The following HERC1 variants were observed in gnomAD, a reference collection of about 807,000 sequenced individuals.
HERC1 encodes HECT and RLD domain containing E3 ubiquitin protein ligase family member 1.
Under a neutral mutation model 554.3 loss-of-function variants are expected in HERC1, and 160 were observed. The observed-to-expected ratio is 0.29, with a 90% CI of 0.25 to 0.33. HERC1 has a LOEUF of 0.33. Among genes scored for constraint, HERC1 ranks in the 10% least tolerant of loss-of-function variants. The pLI, the probability that HERC1 is intolerant of heterozygous loss-of-function variation, is 1.00. For synonymous variants in HERC1, 2,175 were observed against 2,131.7 expected (o/e 1.02, Z -0.56); for missense variants, 4,919 against 5,918.5 (o/e 0.83, Z 5.54).
chr15:63,733,817 A>T (rs1298476354), intron 13 of HERC1, among the ~76,000 whole-genome samples: 1 of 152,056 alleles, frequency 6.6e-6, no homozygotes, highest in Non-Finnish European at 1.5e-5. Flanking sequence ...GTGCCACTGC[A>T]CTCCAGCCTG....
intron 12 of HERC1, among the ~76,000 whole-genome samples, chr15:63,739,195 C>A (rs544334138): frequency 9.8e-6 from 1 of 102,276 alleles, no homozygotes; most frequent in African/African-American, 3.6e-5. Flanking sequence ...CACTAATATA[C>A]TTTTTTTTTT....
chr15:63,656,874 TAGCATTG>T (rs1328731758), intron 48 of HERC1, among the ~76,000 whole-genome samples: 1 of 152,246 alleles, frequency 6.6e-6, no homozygotes, highest in Admixed American at 6.5e-5. Flanking sequence ...CCAAATCTTG[TAGCATTG>T]AGCAGTTCGT....
At chr15:63,806,817 T>G (rs1036299841) in intron 1 of HERC1, among the ~76,000 whole-genome samples, 6 of 152,238 alleles carry the variant, frequency 3.9e-5, no homozygotes, top group African/African-American at 1.4e-4. Flanking sequence ...TCATCCAGGC[T>G]GGAGTGCAGT....
At chr15:63,742,289 C>T (rs185810578) in intron 12 of HERC1, among the ~76,000 whole-genome samples, 8 of 152,154 alleles carry the variant, frequency 5.3e-5, no homozygotes, top group Non-Finnish European at 1.0e-4. Context: ...TTTGATTGTA[C>T]ATTGTTGGTG....
chr15:63,649,833 G>A lies in HERC1; in HGVS notation c.10639C>T (p.Pro3547Ser). 6.2e-7 allele frequency: 1 copy of A among 1,613,432 alleles called. No individual in the cohort carries two copies. The highest frequency in any genetic ancestry group is 8.5e-7 in the Non-Finnish European group (1 of 1,179,702). ...ATCCGTCCCACCAACAACAATTCTG[G>A]AGACTCTCCTGACCAGGCTGTAGCC... ...GPATAWSGES[P>S]ELLLVGRMDG... is the part of the protein sequence containing the mutation. The change falls in exon 54 of 78, where the codon CCA becomes TCA. Residue 3547 changes from proline to serine, a missense_variant. Coordinates refer to ENST00000443617, the MANE Select transcript of HERC1 (RefSeq NM_003922.4).
At chr15:63,745,072 A>C (rs2141580698) in intron 12 of HERC1, among the ~76,000 whole-genome samples, 1 of 152,226 alleles carries the variant, frequency 6.6e-6, no homozygotes, top group South Asian at 2.1e-4. Flanking sequence ...TGGAACAGGG[A>C]GACTTGCGAC....
intron 51 of HERC1, among the ~76,000 whole-genome samples, chr15:63,652,851 T>C (rs2069773688): frequency 1.3e-5 from 2 of 152,140 alleles, no homozygotes; most frequent in African/African-American, 2.4e-5. Flanking sequence ...GGTTTCGCCA[T>C]GATGGCCAGG....
intron 74 of HERC1, among the ~76,000 whole-genome samples, chr15:63,617,284 G>C (rs1239695406): frequency 6.6e-6 from 1 of 152,154 alleles, no homozygotes; most frequent in Non-Finnish European, 1.5e-5. Flanking sequence ...CCTTGCAATA[G>C]TTTGCTGAGA....
intron 1 of HERC1, among the ~76,000 whole-genome samples, chr15:63,781,864 C>T (rs1460333392): frequency 6.6e-6 from 1 of 152,178 alleles, no homozygotes; most frequent in African/African-American, 2.4e-5. Flanking sequence ...AGTGAAATCG[C>T]CTTTTTCCTG....
In HERC1 at chr15:63,680,885, T is replaced by C; in HGVS notation, c.6226-109A>G. 1 of 674,466 alleles carries C rather than the reference T, an allele frequency of 1.5e-6. No individual in the cohort carries two copies. Among genetic ancestry groups the C allele is most frequent in the Non-Finnish European group, 2.5e-6 (1 of 400,044 alleles). 41.8% of individuals were successfully genotyped at this position (674,466 alleles called of 1,614,324 possible). A position where few individuals can be genotyped will look rare whatever the true frequency, so the allele number is the denominator to read the frequency against. On this transcript the variant is annotated intron_variant, in intron 34 of 77. Transcript: ENST00000443617. The surrounding 1 kb of genome is among the most constrained non-coding windows in gnomAD (Gnocchi z 5.8). Reference sequence around the variant, plus strand: ...TTTATAAATAATACTAATGCATTTATGGAAACATGTTATTTTCAGCATAAA... The same window carrying C: ...TTTATAAATAATACTAATGCATTTACGGAAACATGTTATTTTCAGCATAAA...
At chr15:63,700,317 C>A (rs1369980224) in intron 25 of HERC1, among the ~76,000 whole-genome samples, 1 of 151,698 alleles carries the variant, frequency 6.6e-6, no homozygotes, top group Non-Finnish European at 1.5e-5. Context: ...TACTACATTT[C>A]TCAATTAGGG....
Position 63,727,207 on chromosome 15 carries a change from C to T in HERC1, c.3346+440G>A, listed in dbSNP as rs1464041986. Among the ~76,000 whole-genome samples the T allele has an allele frequency of 4.6e-5, 7 of 152,090 alleles. No homozygotes were observed. Among genetic ancestry groups the T allele is most frequent in the Non-Finnish European group, 1.0e-4 (7 of 68,024 alleles). On this transcript the variant is annotated intron_variant, in intron 17 of 77. Coordinates refer to ENST00000443617, the MANE Select transcript of HERC1 (RefSeq NM_003922.4). The surrounding 1 kb of genome is among the most constrained non-coding windows in gnomAD (Gnocchi z 4.3). ...AGGAGAATCACTTGAACCCGGGAGG[C>T]AGAGGTTGCAATGAGGCAAGATTGC... is the stretch of plus-strand genomic sequence containing the variant.
chr15:63,721,107 A>C (rs2073799465), intron 19 of HERC1, among the ~76,000 whole-genome samples: 1 of 152,188 alleles, frequency 6.6e-6, no homozygotes, highest in Non-Finnish European at 1.5e-5. Flanking sequence ...TGCACATCCC[A>C]AGCAAATGTT....
rs745687811 is a variant in HERC1 at position 63,628,813 on chromosome 15, G to A, written c.12969C>T (p.Leu4323=). ...YAWGSNSEGQ[L]GLGHTNHVRE... ...GAACATGGTTGGTATGGCCTAAGCC[G>A]AGCTGGGAATAAATCACAAATATAC... The change falls in exon 70 of 78, where the codon CTC becomes CTT. Residue 4323 remains leucine, a splice_region_variant and synonymous_variant. Coordinates refer to ENST00000443617, the MANE Select transcript of HERC1 (RefSeq NM_003922.4). 1.2e-5 allele frequency: 19 copies of A among 1,611,590 alleles called. No homozygotes were observed. Among genetic ancestry groups the A allele is most frequent in the African/African-American group, 8.0e-5 (6 of 74,760 alleles).
intron 24 of HERC1, among the ~76,000 whole-genome samples, chr15:63,708,871 AG>A: frequency 6.6e-6 from 1 of 152,348 alleles, no homozygotes; most frequent in East Asian, 1.9e-4. Flanking sequence ...CTGAAGCTGA[AG>A]GCTTAGCCCA....
rs1260953986 is a variant in HERC1, at chr15:63,655,775, G to A, written c.10051C>T (p.Pro3351Ser). 5 of 1,567,220 alleles carry A rather than the reference G, an allele frequency of 3.2e-6. No homozygotes were observed. Among genetic ancestry groups the A allele is most frequent in the Middle Eastern group, 1.7e-4 (1 of 6,028 alleles). The change falls in exon 50 of 78, where the codon CCT (proline) becomes TCT (serine). Residue 3351 changes from proline to serine, a missense_variant. Around this residue, in one of 11 missense-constraint regions of HERC1, gnomAD observed 1,963 missense variants for 2,228.6 expected, o/e 0.88. Transcript: ENST00000443617. Reference protein sequence around the residue: ...LLADKGAKLRPNYDKSEVEKK... With the variant: ...LLADKGAKLRSNYDKSEVEKK... ...TCAACTTCTGACTTATCATAGTTAG[G>A]TCTTAGTTTGGCCCCTTTGTCTGCT...
chr15:63,664,393 A>C, intron 43 of HERC1, 77 bp downstream of exon 43: 2 of 1,372,222 alleles, frequency 1.5e-6, no homozygotes, highest in East Asian at 4.7e-5. Flanking sequence ...ATTAGTTTGA[A>C]TCTTCTTTAA....
chr15:63,645,623 T>C lies in HERC1; in HGVS notation c.10938A>G (p.Lys3646=), dbSNP rs778316540. The part of the protein sequence containing the change: ...PTGHILMTCA[K]EDSVKLWGSI... ...AGCCCCAGAGTTTCACACTGTCTTC[T>C]TTGGCACATGTCATAAGAATATGAC... Residue 3646 remains lysine (K), a synonymous_variant, in exon 56 of 78, where the codon AAA becomes AAG. Coordinates refer to ENST00000443617, the MANE Select transcript of HERC1 (RefSeq NM_003922.4). 15 of 1,611,904 alleles carry C rather than the reference T, an allele frequency of 9.3e-6. No homozygotes were observed. In the South Asian group the frequency reaches 1.7e-4, roughly 18 times the overall value.
intron 39 of HERC1, among the ~76,000 whole-genome samples, chr15:63,670,005 A>G (rs1011602159): frequency 6.6e-6 from 1 of 152,256 alleles, no homozygotes; most frequent in Non-Finnish European, 1.5e-5. Context: ...TTCAACTATA[A>G]TACCAAGATA....
Sources: gnomAD v4.1 joint callset for allele counts (sites outside exome capture counted in the v4.1 genomes callset) on GRCh38, gnomAD v4.1.1 for gene constraint, gnomAD v4.1.1 regional missense constraint, Gnocchi (gnomAD v3.1) non-coding constraint, MANE v1.5 for transcripts, NCBI Gene and HGNC (gene_info 2026-07-23, HGNC 2026-07-21) for gene names.